The following RIPOR2 variants were observed in gnomAD, a reference collection of about 807,000 sequenced individuals.
RIPOR2 encodes the protein rho family-interacting cell polarization regulator 2.
A neutral mutation model predicts 114.5 loss-of-function variants in RIPOR2; 39 were observed. The ratio of observed to expected loss-of-function variants is 0.34; its 90% confidence interval spans 0.26 to 0.44. The LOEUF (loss-of-function observed/expected upper bound fraction) is 0.44. Among genes scored for constraint, RIPOR2 ranks in the 20% least tolerant of loss-of-function variants. The pLI, the probability that RIPOR2 is intolerant of heterozygous loss-of-function variation, is 1.00. For synonymous variants in RIPOR2, 445 were observed against 484.4 expected, an observed-to-expected ratio of 0.92 and a Z score of 1.07; for missense variants, 1,007 against 1,255.1, an observed-to-expected ratio of 0.80 and a Z score of 2.99.
chr6:24,955,309 G>A lies in RIPOR2; in HGVS notation c.77-79492C>T, dbSNP rs138757163. On this transcript the variant is annotated intron_variant, in intron 1 of 13. Coordinates refer to the RIPOR2 transcript ENST00000510784. ...TGGCTTAGAACCTTCCAGATCTTCC[G>A]CTATGCGTGGCATATTTTCTTTGTA... Among the ~76,000 whole-genome samples, 96 of 152,214 alleles carry A rather than the reference G, an allele frequency of 6.3e-4. 1 individual carries two copies. The highest frequency in any genetic ancestry group is 5.3e-3 in the Admixed American group (81 of 15,284).
intron 1 of RIPOR2, chr6:25,015,642 CT>C (rs1336148549): frequency 7.9e-5 from 12 of 152,184 alleles, no homozygotes; most frequent in Non-Finnish European, 1.2e-4. Flanking sequence ...ACCCTGTTTA[CT>C]AACTGATGCC....
At position 24,926,607 on chromosome 6, in the gene RIPOR2, G is replaced by A. The variant is rs605704; in HGVS notation, c.61+9231C>T. Among the ~76,000 whole-genome samples the A allele has an allele frequency of 3.9e-5, 6 of 152,194 alleles. No homozygotes were observed. The East Asian group carries it at 7.7e-4, about 20-fold the overall frequency. ...AGGAAAGTGTTTGAGGTGAGCAGTCGCAATAGCTCTGCTTTAATCAACTGT... is the reference window on the plus strand; with the variant it reads ...AGGAAAGTGTTTGAGGTGAGCAGTCACAATAGCTCTGCTTTAATCAACTGT... On this transcript the variant is annotated intron_variant, in intron 1 of 21. Coordinates refer to ENST00000643898, the MANE Select transcript of RIPOR2 (RefSeq NM_001286445.3).
At chr6:24,995,897 G>A (rs1476060982) in intron 1 of RIPOR2, among the ~76,000 whole-genome samples, 2 of 151,380 alleles carry the variant, frequency 1.3e-5, no homozygotes, top group African/African-American at 4.9e-5. Context: ...CCGCCTCCCG[G>A]GTTCATGCCA....
chr6:24,830,525 T>A lies in RIPOR2; in HGVS notation c.2490A>T (p.Pro830=), dbSNP rs1760585857. 1 of 1,549,128 alleles carries A rather than the reference T, an allele frequency of 6.5e-7. No homozygotes were observed. Among genetic ancestry groups the A allele is most frequent in the Non-Finnish European group, 8.7e-7 (1 of 1,145,882 alleles). The change falls in exon 17 of 22, where the codon CCA becomes CCT. Residue 830 remains proline (P), a synonymous_variant. Transcript: ENST00000643898. ...SFARTVNKEY[P]GLADPVFRTL... is the part of the protein sequence containing the mutation. ...GCCTCATACCTGGGTCTGCAAGTCCTGGATATTCTTTGTTGACAGTTCTGG... is the reference window on the plus strand; with the variant it reads ...GCCTCATACCTGGGTCTGCAAGTCCAGGATATTCTTTGTTGACAGTTCTGG...
chr6:24,808,358 G>A (rs1780913283), intron 21 of RIPOR2, among the ~76,000 whole-genome samples: 1 of 152,152 alleles, frequency 6.6e-6, no homozygotes, highest in African/African-American at 2.4e-5. Flanking sequence ...AGAATATGAA[G>A]GGATAAAGGA....
intron 1 of RIPOR2, among the ~76,000 whole-genome samples, chr6:24,876,165 C>T (rs912123118): frequency 1.3e-5 from 2 of 152,014 alleles, no homozygotes; most frequent in African/African-American, 4.8e-5. Flanking sequence ...TGGCGCATGT[C>T]TGTAATCCTA....
At position 24,836,182 on chromosome 6, in the gene RIPOR2, T is replaced by C. The variant is rs540343383; in HGVS notation, c.2040-311A>G. On this transcript the variant is annotated intron_variant, in intron 14 of 21. Transcript: ENST00000643898. ...TGCCCTCATTTTGAATGTGTTGCAC[T>C]TTCCTGCTCTGTTGACAGGGTGATC... The C allele has an allele frequency of 5.7e-4, 172 of 304,040 alleles. 2 individuals are homozygous for C. In the South Asian group the frequency reaches 7.2e-3, roughly 13 times the overall value. The allele number at this position is 304,040 out of a possible 1,614,324, so 18.8% of individuals were successfully genotyped here.
intron 1 of RIPOR2, among the ~76,000 whole-genome samples, chr6:24,902,737 C>G (rs1768605019): frequency 1.3e-5 from 2 of 152,208 alleles, no homozygotes; most frequent in African/African-American, 4.8e-5. Context: ...CCCCGGCAAA[C>G]AAACCAAAAT....
In RIPOR2 at chr6:24,849,737, G is replaced by A. The variant is rs1762668664; in HGVS notation, c.1034+65C>T. The A allele has an allele frequency of 9.6e-6, 14 of 1,460,052 alleles. No individual in the cohort carries two copies. The South Asian group carries it at 1.6e-4, about 16-fold the overall frequency. 90.4% of individuals were successfully genotyped at this position (1,460,052 alleles called of 1,614,324 possible). A position where few individuals can be genotyped will look rare whatever the true frequency, so the allele number is the denominator to read the frequency against. On this transcript the variant is annotated intron_variant, in intron 11 of 21. Transcript: ENST00000643898. Reference sequence around the variant, plus strand: ...GGTGATGCGGATGGTCCATGCACCAGCTTTGAGTAGCACTAGCCGGTATCA... The same window carrying A: ...GGTGATGCGGATGGTCCATGCACCAACTTTGAGTAGCACTAGCCGGTATCA...
At chr6:24,954,809 A>T (rs1342003337) in intron 1 of RIPOR2, among the ~76,000 whole-genome samples, 4 of 152,154 alleles carry the variant, frequency 2.6e-5, no homozygotes, top group Non-Finnish European at 4.4e-5. Context: ...ACGTTGGATT[A>T]ATAACGTATT....
At chr6:24,924,059 T>C (rs1770686930) in intron 1 of RIPOR2, among the ~76,000 whole-genome samples, 1 of 152,078 alleles carries the variant, frequency 6.6e-6, no homozygotes, top group Non-Finnish European at 1.5e-5. Flanking sequence ...TGAATTAACA[T>C]GCAGGCTGAG....
intron 8 of RIPOR2, among the ~76,000 whole-genome samples, chr6:24,853,900 G>A (rs1336359225): frequency 6.6e-6 from 1 of 152,066 alleles, no homozygotes; most frequent in Non-Finnish European, 1.5e-5. Flanking sequence ...AGGATGACTT[G>A]AGCTCAGGAG....
In RIPOR2 at chr6:24,810,773, A is replaced by T. The variant is rs539787755; in HGVS notation, c.2953-966T>A. On this transcript the variant is annotated intron_variant, in intron 20 of 21. Transcript: ENST00000643898. ...GGCACCTGAAGGTAATTTTTTTTTT[A>T]ACCAAGTAACAAGGCAAAATTTCCT... 6.6e-4 allele frequency among the ~76,000 whole-genome samples: 96 copies of T among 145,876 alleles called. 1 individual carries two copies. Among genetic ancestry groups the T allele is most frequent in the African/African-American group, 2.3e-3 (92 of 40,358 alleles).
At chr6:25,027,578 C>T (rs1352020746) in intron 1 of RIPOR2, among the ~76,000 whole-genome samples, 1 of 152,236 alleles carries the variant, frequency 6.6e-6, no homozygotes, top group Non-Finnish European at 1.5e-5. Flanking sequence ...TGGCACACTC[C>T]GAGCAGGCCC....
At position 24,804,853 on chromosome 6, in the gene RIPOR2, T is replaced by A. The variant is rs894126611; in HGVS notation, c.*1520A>T. On this transcript the variant is annotated 3_prime_UTR_variant, in exon 22 of 22. Coordinates refer to ENST00000643898, the MANE Select transcript of RIPOR2 (RefSeq NM_001286445.3). ...GGCATACCCCACCTTGTACACTCTT[T>A]AGAGGAAGAAAAGATATTTTAATAA... 2 of 152,214 alleles carry A rather than the reference T, an allele frequency of 1.3e-5. No individual in the cohort carries two copies. Among genetic ancestry groups the A allele is most frequent in the East Asian group, 3.8e-4 (2 of 5,206 alleles). The allele number at this position is 152,214 out of a possible 1,614,324, so 9.4% of individuals were successfully genotyped here. A position where few individuals can be genotyped will look rare whatever the true frequency, so the allele number is the denominator to read the frequency against.
In RIPOR2 at chr6:24,873,815, A is replaced by G; in HGVS notation, c.189-16T>C. The G allele has an allele frequency of 6.3e-7, 1 of 1,589,478 alleles. No homozygotes were observed. Among genetic ancestry groups the G allele is most frequent in the Non-Finnish European group, 8.5e-7 (1 of 1,172,352 alleles). The stretch of plus-strand genomic sequence containing the variant: ...GGAGTTACACCTATGGAAAGAACAG[A>G]AGAAATTGTGAGGATTGGGCATCCA... On this transcript the variant is annotated splice_polypyrimidine_tract_variant and intron_variant, in intron 2 of 21. Coordinates refer to ENST00000643898, the MANE Select transcript of RIPOR2 (RefSeq NM_001286445.3).
At chr6:24,908,369 C>T (rs1769197051) in intron 1 of RIPOR2, among the ~76,000 whole-genome samples, 1 of 152,198 alleles carries the variant, frequency 6.6e-6, no homozygotes, top group Non-Finnish European at 1.5e-5. Context: ...CCCTTCAACC[C>T]AAGGGACTAT....
chr6:24,840,571 C>T (rs1761610204), intron 13 of RIPOR2: 1 of 1,470,194 alleles, frequency 6.8e-7, no homozygotes, highest in Admixed American at 2.3e-5. Flanking sequence ...TGTCCTCCAT[C>T]CAGTTAGGTG....
At chr6:24,898,618 C>A (rs1350539148) in intron 1 of RIPOR2, 1 of 152,146 alleles carries the variant, frequency 6.6e-6, no homozygotes, top group Non-Finnish European at 1.5e-5. Flanking sequence ...CAAGGTGTTG[C>A]CTCTTGAACT....
Sources: allele counts gnomAD v4.1 joint callset (sites outside exome capture counted in the v4.1 genomes callset), GRCh38; gene constraint gnomAD v4.1.1; transcripts MANE v1.5; gene names NCBI Gene and HGNC (gene_info 2026-07-23, HGNC 2026-07-21).